Variants in CIDEB observed in about 807,000 individuals in gnomAD.
The protein encoded by CIDEB is cell death inducing DFFA like effector b.
In CIDEB, 27 loss-of-function variants were observed where a neutral mutation model predicts 22.4. That is an observed-to-expected ratio of 1.21 (90% CI 0.89 to 1.66). The LOEUF (loss-of-function observed/expected upper bound fraction) is 1.66. Ranked by LOEUF, CIDEB falls within the 40% of genes most tolerant of loss-of-function variation. The pLI is 0.00. For synonymous variants in CIDEB, 103 were observed against 109.5 expected, an observed-to-expected ratio of 0.94 and a Z score of 0.37; for missense variants, 289 against 268.7, an observed-to-expected ratio of 1.08 and a Z score of -0.53.
intron 2 of CIDEB, chr14:24,306,978 C>G (rs1056714008): frequency 1.2e-5 from 3 of 249,408 alleles, no homozygotes; most frequent in Non-Finnish European, 2.4e-5. Flanking sequence ...TTCAACAACC[C>G]TAGGAGGTGA....
chr14:24,308,125 A>G, upstream of CIDEB: 1 of 536,256 alleles, frequency 1.9e-6, no homozygotes, highest in Non-Finnish European at 3.4e-6. Flanking sequence ...TTTGGTGATG[A>G]CATGTGTTGT....
chr14:24,306,682 T>C, intron 2 of CIDEB, 159 bp from the exon 3 acceptor site: 1 of 860,466 alleles, frequency 1.2e-6, no homozygotes, highest in Non-Finnish European at 1.8e-6. Context: ...CTCCGTGTTC[T>C]TCAGTTTTTG....
At chr14:24,310,003 C>G (rs904129874), upstream of CIDEB, 1 of 157,258 alleles carries the variant, frequency 6.4e-6, no homozygotes, top group African/African-American at 2.4e-5. Context: ...CTTACTGCCC[C>G]ACTTCAGCTT....
chr14:24,310,103 GGA>G (rs931403216), upstream of CIDEB: 2 of 169,910 alleles, frequency 1.2e-5, no homozygotes, highest in African/African-American at 4.8e-5. Flanking sequence ...AGGGGCCCCA[GGA>G]GAGGCCCAGG....
At chr14:24,310,599 G>A (rs151291081), upstream of CIDEB, 1,296 of 1,506,778 alleles carry the variant, frequency 8.6e-4, 22 homozygotes, top group South Asian at 0.01. Flanking sequence ...GGCATCACAG[G>A]TGGGGTTTTG....
upstream of CIDEB, chr14:24,308,041 G>C: frequency 3.2e-6 from 2 of 631,440 alleles, no homozygotes; most frequent in Non-Finnish European, 5.8e-6. Flanking sequence ...CAAGGGGAGG[G>C]ATGAGGGAGG....
At chr14:24,310,874 G>A (rs761169239), upstream of CIDEB, 7 of 1,592,054 alleles carry the variant, frequency 4.4e-6, no homozygotes, top group East Asian at 4.5e-5. Context: ...CCGACGGCGC[G>A]GTGCTGCTGC....
At chr14:24,307,233 C>G (rs2041539443) in intron 2 of CIDEB, 138 bp downstream of exon 2, 1 of 915,772 alleles carries the variant, frequency 1.1e-6, no homozygotes, top group Admixed American at 2.5e-5. Context: ...CTCATTAGGC[C>G]CACTCCGCTG....
Position 24,307,950 on chromosome 14 carries a change from G to A in CIDEB, c.-92C>T. ...AGTGGTGTTTTCTGTTACAAACCTG[G>A]GATCTCAGCCCAGGACAAGGTGGGA... is the stretch of plus-strand genomic sequence containing the variant. On this transcript the variant is annotated 5_prime_UTR_variant, in exon 1 of 5. Coordinates refer to ENST00000554411, the MANE Select transcript of CIDEB (RefSeq NM_001393339.1). 8.4e-7 allele frequency: 1 copy of A among 1,195,506 alleles called. No homozygotes were observed. Among genetic ancestry groups the A allele is most frequent in the South Asian group, 1.3e-5 (1 of 76,500 alleles). 74.1% of individuals were successfully genotyped at this position (1,195,506 alleles called of 1,614,324 possible). A position where few individuals can be genotyped will look rare whatever the true frequency, so the allele number is the denominator to read the frequency against.
At chr14:24,310,561 AAGG>A (rs1226381573), upstream of CIDEB, 3 of 1,230,706 alleles carry the variant, frequency 2.4e-6, no homozygotes, top group African/African-American at 4.5e-5. Context: ...GCAGGGAAGT[AAGG>A]AGGAGGCATG....
chr14:24,306,384 C>T lies in CIDEB; in HGVS notation c.326G>A (p.Ser109Asn), dbSNP rs1453230836. The change falls in exon 3 of 5, where the codon AGC becomes AAC. Residue 109 changes from serine to asparagine, a missense_variant. Physicochemically the swap from Ser to Asn is conservative, Grantham distance 46 (BLOSUM62 1). Transcript: ENST00000554411. ...LMVLQSGQSW[S>N]PTRSGVLSYG... is the part of the protein sequence containing the mutation. Reference sequence around the variant, plus strand: ...GTATAGGCCTCTTACCCTTGTAGGGCTCCAGCTCTGACCAGACTGCAACAC... The same window carrying T: ...GTATAGGCCTCTTACCCTTGTAGGGTTCCAGCTCTGACCAGACTGCAACAC... 1 of 1,614,246 alleles carries T rather than the reference C, an allele frequency of 6.2e-7. No homozygotes were observed. The highest frequency in any genetic ancestry group is 8.5e-7 in the Non-Finnish European group (1 of 1,180,040).
At chr14:24,308,027 A>T (rs1315427914), upstream of CIDEB, 1 of 653,744 alleles carries the variant, frequency 1.5e-6, no homozygotes, top group African/African-American at 1.8e-5. Context: ...AGAAGGGCAA[A>T]GTCCAAGGGG....
In CIDEB at chr14:24,305,252, G is replaced by C; in HGVS notation, c.*381C>G. The stretch of plus-strand genomic sequence containing the variant: ...GTTAGTTTGAGGGGAAGGGTATGAA[G>C]ACAGATCTCAAGGTAAAGTCAGAGA... On this transcript the variant is annotated 3_prime_UTR_variant, in exon 5 of 5. Coordinates refer to ENST00000554411, the MANE Select transcript of CIDEB (RefSeq NM_001393339.1). 294 of 777,046 alleles carry C rather than the reference G, an allele frequency of 3.8e-4. No homozygotes were observed. Among genetic ancestry groups the C allele is most frequent in the Middle Eastern group, 7.7e-4 (2 of 2,584 alleles). The allele number at this position is 777,046 out of a possible 1,614,324, so 48.1% of individuals were successfully genotyped here.
chr14:24,305,435 G>T lies in CIDEB; in HGVS notation c.*198C>A. On this transcript the variant is annotated 3_prime_UTR_variant, in exon 5 of 5. Coordinates refer to ENST00000554411, the MANE Select transcript of CIDEB (RefSeq NM_001393339.1). Reference sequence around the variant, plus strand: ...CCAGAAAGGTGGCTAGGAAAGAACAGCATTCTTCAGGTAAGGGTATAGACT... The same window carrying T: ...CCAGAAAGGTGGCTAGGAAAGAACATCATTCTTCAGGTAAGGGTATAGACT... 1 of 663,382 alleles carries T rather than the reference G, an allele frequency of 1.5e-6. No homozygotes were observed. Among genetic ancestry groups the T allele is most frequent in the Non-Finnish European group, 2.4e-6 (1 of 413,150 alleles). 41.1% of individuals were successfully genotyped at this position (663,382 alleles called of 1,614,324 possible).
upstream of CIDEB, chr14:24,311,078 C>T (rs1336601192): frequency 2.6e-6 from 4 of 1,560,518 alleles, no homozygotes; most frequent in Admixed American, 1.9e-5. Flanking sequence ...CGGCCCTGGC[C>T]CGCCGCCTGC....
intron 3 of CIDEB, 74 bp from the exon 4 acceptor site, chr14:24,306,211 C>G: frequency 6.5e-7 from 1 of 1,545,898 alleles, no homozygotes; most frequent in Non-Finnish European, 8.9e-7. Flanking sequence ...AGCACTGGGT[C>G]AGACCCTCCC....
upstream of CIDEB, chr14:24,311,068 C>A: frequency 6.4e-7 from 1 of 1,559,242 alleles, no homozygotes. Flanking sequence ...CTGCGCAGCC[C>A]GGCCCTGGCC....
chr14:24,306,180 C>A (rs1482809788), intron 3 of CIDEB, 43 bp from the exon 4 acceptor site: 3 of 1,586,922 alleles, frequency 1.9e-6, no homozygotes, highest in Middle Eastern at 3.5e-4. Flanking sequence ...TCATACCAGA[C>A]ACCCACCACT....
At chr14:24,308,751 C>T (rs1451016574), upstream of CIDEB, 1 of 152,184 alleles carries the variant, frequency 6.6e-6, no homozygotes, top group Non-Finnish European at 1.5e-5. Flanking sequence ...GACAGTGAAA[C>T]CCTCAAATGA....
Sources: gnomAD v4.1 joint callset for allele counts on GRCh38, gnomAD v4.1.1 for gene constraint, MANE v1.5 for transcripts, NCBI Gene and HGNC (gene_info 2026-07-23, HGNC 2026-07-21) for gene names.